GOLGA4: variants seen among roughly 807,000 people sequenced by gnomAD.
GOLGA4 encodes the protein golgin subfamily A member 4.
Under a neutral mutation model 265.9 loss-of-function variants are expected in GOLGA4, and 169 were observed. That is an observed-to-expected ratio of 0.64 (90% CI 0.56 to 0.72). The LOEUF is 0.72. Among genes scored for constraint, GOLGA4 ranks in the 30% least tolerant of loss-of-function variants. GOLGA4 has a pLI of 0.00. For synonymous variants in GOLGA4, 923 were observed against 855.8 expected, an observed-to-expected ratio of 1.08 and a Z score of -1.37; for missense variants, 2,482 against 2,483.4, an observed-to-expected ratio of 1.00 and a Z score of 0.01.
chr3:37,269,601 A>G (rs883523), intron 2 of GOLGA4, among the ~76,000 whole-genome samples: 61,270 of 152,002 alleles, frequency 0.4, 12,930 homozygotes, highest in African/African-American at 0.44. Flanking sequence ...ACCGTATAAA[A>G]CTTCACATAC....
intron 2 of GOLGA4, 112 bp downstream of exon 2, chr3:37,251,596 G>T: frequency 9.8e-6 from 6 of 610,416 alleles, no homozygotes; most frequent in South Asian, 4.3e-5. Context: ...TAATTCCTAG[G>T]TAGAGTTTTT....
At chr3:37,269,749 A>G (rs1365235782) in intron 2 of GOLGA4, among the ~76,000 whole-genome samples, 1 of 152,138 alleles carries the variant, frequency 6.6e-6, no homozygotes, top group Non-Finnish European at 1.5e-5. Flanking sequence ...TTAGGCCAGT[A>G]CTTTTCATAA....
At chr3:37,356,399 A>C (rs1482530649) in intron 22 of GOLGA4, among the ~76,000 whole-genome samples, 2 of 152,062 alleles carry the variant, frequency 1.3e-5, no homozygotes, top group African/African-American at 4.8e-5. Flanking sequence ...TGTATATTGT[A>C]TTGTATTATA....
In GOLGA4 at chr3:37,319,165, G is replaced by T; in HGVS notation, c.1516G>T (p.Glu506Ter). The T allele has an allele frequency of 6.2e-7, 1 of 1,609,168 alleles. No individual in the cohort carries two copies. Among genetic ancestry groups the T allele is most frequent in the Non-Finnish European group, 8.5e-7 (1 of 1,177,720 alleles). ...CAAGAAGCTTCAGACCCGAGAAAGG[G>T]AATTTCAGGAACAAATGAAAGTAGC... The part of the protein sequence containing the change: ...LTKKLQTRER[E>*]FQEQMKVALE... The change falls in exon 12 of 24, where the codon GAA (glutamate) becomes TAA (stop). Residue 506 changes from glutamate to a stop codon, truncating the protein, a stop_gained. Transcript: ENST00000361924. LOFTEE classifies it high-confidence loss of function.
intron 1 of GOLGA4, among the ~76,000 whole-genome samples, chr3:37,246,907 T>G (rs1390451741): frequency 6.6e-6 from 1 of 152,052 alleles, no homozygotes; most frequent in Non-Finnish European, 1.5e-5. Flanking sequence ...ATAGTTTATG[T>G]GATATAAATT....
chr3:37,361,481 CT>C (rs1218359990), intron 23 of GOLGA4, among the ~76,000 whole-genome samples, 176 bp downstream of exon 23: 1 of 152,144 alleles, frequency 6.6e-6, no homozygotes, highest in African/African-American at 2.4e-5. Flanking sequence ...TTAAAAATTA[CT>C]ACCACCAGTA....
chr3:37,247,106 G>T (rs1213498723), intron 1 of GOLGA4, among the ~76,000 whole-genome samples: 1 of 152,080 alleles, frequency 6.6e-6, no homozygotes, highest in Non-Finnish European at 1.5e-5. Context: ...CATGATGAAA[G>T]GCTTTAATAA....
chr3:37,298,644 A>G (rs1241612139), intron 7 of GOLGA4, among the ~76,000 whole-genome samples, 189 bp from the exon 8 acceptor site: 2 of 152,214 alleles, frequency 1.3e-5, no homozygotes, highest in Non-Finnish European at 2.9e-5. Context: ...GTTTTAGACT[A>G]TAAACTATAA....
intron 23 of GOLGA4, 60 bp from the exon 24 acceptor site, chr3:37,366,020 C>T (rs1361678739): frequency 7.1e-7 from 1 of 1,412,834 alleles, no homozygotes; most frequent in African/African-American, 1.4e-5. Flanking sequence ...AAAAGTCAAC[C>T]TAAATGTTTT....
chr3:37,357,856 AAAC>A (rs780153837), intron 22 of GOLGA4, among the ~76,000 whole-genome samples: 3 of 152,232 alleles, frequency 2.0e-5, no homozygotes, highest in Non-Finnish European at 4.4e-5. Context: ...AATGTGTAGA[AAAC>A]AAAACTTTAG....
chr3:37,330,660 G>A (rs1482049866), intron 16 of GOLGA4, among the ~76,000 whole-genome samples: 2 of 152,136 alleles, frequency 1.3e-5, no homozygotes, highest in Non-Finnish European at 2.9e-5. Context: ...GGAAGTGGAG[G>A]GTGGGCAAGG....
At chr3:37,285,957 T>G in intron 3 of GOLGA4, 57 bp from the exon 4 acceptor site, 1 of 1,025,734 alleles carries the variant, frequency 9.7e-7, no homozygotes, top group Non-Finnish European at 1.5e-6. Context: ...TTTAGTGGAC[T>G]TTAGAATAAT....
rs1355136392 is a variant in GOLGA4 at position 37,327,387 on chromosome 3, T to C, written c.5501T>C (p.Val1834Ala). ...CAGGCAAAGCAAAACTTGGAAAATG[T>C]GTTTGACGACGTCCAGAAAACCCTC... ...NIQAKQNLEN[V>A]FDDVQKTLQE... The change falls in exon 14 of 24, where the codon GTG (valine) becomes GCG (alanine). Residue 1834 changes from valine (V) to alanine (A), a missense_variant. Coordinates refer to ENST00000361924, the MANE Select transcript of GOLGA4 (RefSeq NM_002078.5). 4 of 1,613,786 alleles carry C rather than the reference T, an allele frequency of 2.5e-6. No homozygotes were observed. The African/African-American group carries it at 5.3e-5, about 22-fold the overall frequency.
rs377329434 is a variant in GOLGA4 at position 37,337,202 on chromosome 3, C to G, written c.6327+39C>G. ...TTCTTTTTTTTTTTTTCTTTTTTTTCTTTGAGACAGATTCTCACTCTGTTG... is the reference window on the plus strand; with the variant it reads ...TTCTTTTTTTTTTTTTCTTTTTTTTGTTTGAGACAGATTCTCACTCTGTTG... On this transcript the variant is annotated intron_variant, in intron 18 of 23. Transcript: ENST00000361924. The G allele has an allele frequency of 1.6e-5, 15 of 944,844 alleles. No individual in the cohort carries two copies. In the African/African-American group the frequency reaches 3.0e-4, roughly 19 times the overall value. The allele number at this position is 944,844 out of a possible 1,614,324, so 58.5% of individuals were successfully genotyped here. A position where few individuals can be genotyped will look rare whatever the true frequency, so the allele number is the denominator to read the frequency against.
chr3:37,317,641 TC>T (rs1230363199), intron 11 of GOLGA4, among the ~76,000 whole-genome samples: 2 of 152,176 alleles, frequency 1.3e-5, no homozygotes, highest in Non-Finnish European at 2.9e-5. Context: ...AGAATATATT[TC>T]CCCCCAATAA....
intron 9 of GOLGA4, among the ~76,000 whole-genome samples, chr3:37,299,670 G>C (rs1224907509): frequency 6.6e-6 from 1 of 152,162 alleles, no homozygotes; most frequent in African/African-American, 2.4e-5. Flanking sequence ...GTTATTTATA[G>C]TTAAGGCATT....
intron 23 of GOLGA4, among the ~76,000 whole-genome samples, chr3:37,362,780 C>CTTTTTGTTTTTTTTTTTT: frequency 1.3e-5 from 1 of 75,464 alleles, no homozygotes; most frequent in African/African-American, 5.1e-5. Flanking sequence ...AGCCTCTAAG[C>CTTTTTGTTTTTTTTTTTT]TTTTTTTTTT....
At chr3:37,319,230 A>G (rs764431619) in intron 12 of GOLGA4, 36 bp downstream of exon 12, 6 of 1,532,108 alleles carry the variant, frequency 3.9e-6, no homozygotes, top group African/African-American at 1.4e-5. Context: ...CTATAGGTAT[A>G]CTTCTCAGAG....
intron 2 of GOLGA4, among the ~76,000 whole-genome samples, chr3:37,262,780 A>T (rs1206268664): frequency 2.6e-5 from 4 of 152,144 alleles, no homozygotes; most frequent in Non-Finnish European, 5.9e-5. Flanking sequence ...GACAAAAAAT[A>T]CTGAGTAATC....
Sources: gnomAD v4.1 joint callset for allele counts (sites outside exome capture counted in the v4.1 genomes callset) on GRCh38, gnomAD v4.1.1 for gene constraint, MANE v1.5 for transcripts, NCBI Gene and HGNC (gene_info 2026-07-23, HGNC 2026-07-21) for gene names.